Variants in TNFRSF21 observed in about 807,000 individuals in gnomAD.
The protein encoded by TNFRSF21 is TNF receptor superfamily member 21.
TNFRSF21 carries 19 observed loss-of-function variants against 45.6 expected under a neutral mutation model. The observed-to-expected ratio is 0.42, with a 90% CI of 0.29 to 0.61. The LOEUF (loss-of-function observed/expected upper bound fraction) is 0.61, where lower values mean the gene tolerates loss of function less well. Among genes scored for constraint, TNFRSF21 ranks in the 20% least tolerant of loss-of-function variants. TNFRSF21 has a pLI of 0.23. For synonymous variants in TNFRSF21, 314 were observed against 335.5 expected (o/e 0.94, Z 0.70); for missense variants, 737 against 851.5 (o/e 0.87, Z 1.67).
At chr6:47,291,909 C>G (rs192826648) in intron 1 of TNFRSF21, among the ~76,000 whole-genome samples, 143 of 152,350 alleles carry the variant, frequency 9.4e-4, no homozygotes, top group Non-Finnish European at 1.4e-3. Context: ...GGCAACATCC[C>G]TTTCTCTTTA....
chr6:47,289,674 C>T (rs192436294), intron 1 of TNFRSF21, among the ~76,000 whole-genome samples: 121 of 152,234 alleles, frequency 7.9e-4, no homozygotes, highest in African/African-American at 2.8e-3. Flanking sequence ...TAAAAGGACC[C>T]ATCCTGTGGA....
At chr6:47,301,742 G>T (rs982541304) in intron 1 of TNFRSF21, among the ~76,000 whole-genome samples, 1 of 152,114 alleles carries the variant, frequency 6.6e-6, no homozygotes, top group Non-Finnish European at 1.5e-5. Flanking sequence ...ATGACTAAAA[G>T]CTTCCTGAGG....
intron 3 of TNFRSF21, among the ~76,000 whole-genome samples, chr6:47,263,531 A>C (rs889190627): frequency 4.6e-5 from 7 of 152,200 alleles, no homozygotes; most frequent in African/African-American, 1.7e-4. Context: ...CCATGGAAAC[A>C]GAGAAGAAAC....
At chr6:47,278,865 T>C (rs1762531691) in intron 3 of TNFRSF21, among the ~76,000 whole-genome samples, 1 of 152,240 alleles carries the variant, frequency 6.6e-6, no homozygotes, top group African/African-American at 2.4e-5. Flanking sequence ...TGCCTATCTA[T>C]GGCATGTGCC....
intron 4 of TNFRSF21, among the ~76,000 whole-genome samples, chr6:47,252,898 T>C (rs959657592): frequency 6.6e-6 from 1 of 152,218 alleles, no homozygotes; most frequent in African/African-American, 2.4e-5. Flanking sequence ...GTATTTTTTC[T>C]TGGTTTTGTT....
At chr6:47,248,655 A>T (rs1764856333) in intron 4 of TNFRSF21, among the ~76,000 whole-genome samples, 1 of 152,210 alleles carries the variant, frequency 6.6e-6, no homozygotes, top group African/African-American at 2.4e-5. Flanking sequence ...ACACATAGCT[A>T]CAGTTAGCTG....
chr6:47,294,433 C>T (rs1291084360), intron 1 of TNFRSF21, among the ~76,000 whole-genome samples: 2 of 152,212 alleles, frequency 1.3e-5, no homozygotes, highest in Non-Finnish European at 2.9e-5. Context: ...TGAGCCAACG[C>T]GCCCGGCTGC....
At chr6:47,266,138 C>A (rs1456003672) in intron 3 of TNFRSF21, among the ~76,000 whole-genome samples, 1 of 152,124 alleles carries the variant, frequency 6.6e-6, no homozygotes, top group Non-Finnish European at 1.5e-5. Context: ...CATTGCAAAT[C>A]GACTCCCACT....
At chr6:47,243,786 C>T (rs946225228) in intron 4 of TNFRSF21, among the ~76,000 whole-genome samples, 20 of 152,200 alleles carry the variant, frequency 1.3e-4, no homozygotes, top group Admixed American at 6.5e-5. Context: ...GAAGAGCTGA[C>T]TCACTTCTTC....
intron 4 of TNFRSF21, among the ~76,000 whole-genome samples, chr6:47,249,566 A>G (rs1764871682): frequency 6.6e-6 from 1 of 152,220 alleles, no homozygotes; most frequent in African/African-American, 2.4e-5. Flanking sequence ...AAGCTCCAGG[A>G]GGAAGGTATT....
chr6:47,239,938 G>A (rs1764721687), intron 4 of TNFRSF21, among the ~76,000 whole-genome samples: 1 of 151,924 alleles, frequency 6.6e-6, no homozygotes. Flanking sequence ...TTACCACAAA[G>A]TTATTTTCAA....
At chr6:47,264,833 C>T (rs757600127) in intron 3 of TNFRSF21, among the ~76,000 whole-genome samples, 37 of 152,176 alleles carry the variant, frequency 2.4e-4, no homozygotes, top group Non-Finnish European at 4.1e-4. Context: ...AGTCCAACCC[C>T]GCTGCTGGAA....
At chr6:47,277,222 A>AC (rs1350638923) in intron 3 of TNFRSF21, among the ~76,000 whole-genome samples, 12 of 152,182 alleles carry the variant, frequency 7.9e-5, no homozygotes, top group Non-Finnish European at 2.9e-5. Context: ...TGAACTACTG[A>AC]CCTCAAATGA....
intron 4 of TNFRSF21, among the ~76,000 whole-genome samples, chr6:47,250,050 A>G (rs1764878867): frequency 6.6e-6 from 1 of 152,208 alleles, no homozygotes; most frequent in Admixed American, 6.5e-5. Flanking sequence ...TTAAAAAGCA[A>G]TTATATAATT....
intron 5 of TNFRSF21, among the ~76,000 whole-genome samples, chr6:47,234,073 C>T (rs1764624907): frequency 6.6e-6 from 1 of 152,146 alleles, no homozygotes; most frequent in African/African-American, 2.4e-5. Flanking sequence ...CTCACTGCAG[C>T]CTCCGCGTCT....
At position 47,286,025 on chromosome 6, in the gene TNFRSF21, G is replaced by A; in HGVS notation, c.667C>T (p.Pro223Ser). 1.9e-6 allele frequency: 3 copies of A among 1,614,220 alleles called. No homozygotes were observed. The highest frequency in any genetic ancestry group is 2.5e-6 in the Non-Finnish European group (3 of 1,180,034). The change falls in exon 2 of 6, where the codon CCT (proline) becomes TCT (serine). Residue 223 changes from proline to serine, a missense_variant. Coordinates refer to ENST00000296861, the MANE Select transcript of TNFRSF21 (RefSeq NM_014452.5). ...TLPSFSSSTS[P>S]SPGTAIFPRP... ...GGAAAGATGGCTGTGCCAGGGGAAG[G>A]TGAGGTGGAGCTGGAGAAGGACGGG... is the stretch of plus-strand genomic sequence containing the variant.
intron 3 of TNFRSF21, among the ~76,000 whole-genome samples, chr6:47,254,984 C>T (rs1241574799): frequency 1.3e-5 from 2 of 152,122 alleles, no homozygotes; most frequent in African/African-American, 4.8e-5. Context: ...TAATTCAAAT[C>T]CTGTATGTGT....
chr6:47,279,401 G>A (rs116379890), intron 3 of TNFRSF21, among the ~76,000 whole-genome samples: 1,592 of 152,278 alleles, frequency 0.01, 29 homozygotes, highest in African/African-American at 0.036. Flanking sequence ...ATACAGTTTT[G>A]TAGCCTCCAT....
chr6:47,291,844 G>C (rs1331794825), intron 1 of TNFRSF21, among the ~76,000 whole-genome samples: 1 of 152,234 alleles, frequency 6.6e-6, no homozygotes, highest in Admixed American at 6.5e-5. Context: ...CAAAGCTGGA[G>C]GGACTGCTCC....
Sources: gnomAD v4.1 joint callset for allele counts (sites outside exome capture counted in the v4.1 genomes callset) on GRCh38, gnomAD v4.1.1 for gene constraint, MANE v1.5 for transcripts, NCBI Gene and HGNC (gene_info 2026-07-23, HGNC 2026-07-21) for gene names.